Variants in MAML3 observed in about 807,000 individuals in gnomAD.
The protein encoded by MAML3 is mastermind-like protein 3.
A neutral mutation model predicts 101.9 loss-of-function variants in MAML3; 27 were observed. The ratio of observed to expected loss-of-function variants is 0.27; its 90% CI spans 0.20 to 0.37. The LOEUF (loss-of-function observed/expected upper bound fraction) is 0.37. MAML3 is among the 10% of genes least tolerant of loss of function. The pLI is 1.00. For synonymous variants in MAML3, 501 were observed against 555.9 expected (o/e 0.90, Z 1.39); for missense variants, 1,316 against 1,444.9 (o/e 0.91, Z 1.45).
chr4:139,839,103 G>A (rs1302784199), intron 2 of MAML3, among the ~76,000 whole-genome samples: 3 of 152,140 alleles, frequency 2.0e-5, no homozygotes, highest in African/African-American at 7.2e-5. Context: ...TTGCACATCT[G>A]CAAGTCTGAT....
chr4:140,003,524 C>T (rs528382963), intron 1 of MAML3, among the ~76,000 whole-genome samples: 4 of 152,256 alleles, frequency 2.6e-5, no homozygotes, highest in East Asian at 1.9e-4. Flanking sequence ...TATGATTCAA[C>T]TCGAATAGCT....
At chr4:139,905,809 A>G (rs1436829829) in intron 1 of MAML3, among the ~76,000 whole-genome samples, 1 of 152,100 alleles carries the variant, frequency 6.6e-6, no homozygotes. Context: ...CTTCTTATAT[A>G]GATAATAGTC....
chr4:140,115,103 G>A (rs1322285006), intron 1 of MAML3, among the ~76,000 whole-genome samples: 1 of 152,074 alleles, frequency 6.6e-6, no homozygotes, highest in African/African-American at 2.4e-5. Context: ...CCCTAATTAT[G>A]CTGCTGAAGT....
chr4:139,742,231 C>T (rs1267277881), intron 2 of MAML3, among the ~76,000 whole-genome samples: 1 of 151,424 alleles, frequency 6.6e-6, no homozygotes, highest in Non-Finnish European at 1.5e-5. Flanking sequence ...TCACTGCAAC[C>T]TCCGCCTCCC....
chr4:140,097,785 A>C (rs1017530579), intron 1 of MAML3, among the ~76,000 whole-genome samples: 10 of 152,230 alleles, frequency 6.6e-5, no homozygotes, highest in African/African-American at 2.4e-4. Context: ...CTTCGTGGTG[A>C]CAAGAGGGAA....
At position 139,720,266 on chromosome 4, in the gene MAML3, G is replaced by A. The variant is rs1489367986; in HGVS notation, c.2474C>T (p.Thr825Met). 9 of 1,589,308 alleles carry A rather than the reference G, an allele frequency of 5.7e-6. No homozygotes were observed. The highest frequency in any genetic ancestry group is 1.2e-5 in the South Asian group (1 of 86,938). ...TGCGTTCTGTGCCATCAGCCGTGAC[G>A]TTCGCATGCTCTGGAGGGCTGCTTG... ...RSQAALQSMRTSRLMAQNAGM... is the reference protein window; with the variant it reads ...RSQAALQSMRMSRLMAQNAGM... The change falls in exon 5 of 5, where the codon ACG becomes ATG. Residue 825 changes from threonine to methionine, a missense_variant. Transcript: ENST00000509479.
At chr4:139,829,024 C>T (rs12511237) in intron 2 of MAML3, among the ~76,000 whole-genome samples, 5 of 69,134 alleles carry the variant, frequency 7.2e-5, no homozygotes, top group South Asian at 4.8e-4. Context: ...GAAGGAAGGA[C>T]GGACGGACGG....
chr4:139,826,033 G>T (rs543069026), intron 2 of MAML3, among the ~76,000 whole-genome samples: 3 of 152,250 alleles, frequency 2.0e-5, no homozygotes, highest in African/African-American at 7.2e-5. Context: ...CCTGTGGGAG[G>T]AAGGGGGTAT....
rs574022323 is a variant in MAML3, at chr4:139,723,042, C to A, written c.2416+2709G>T. On this transcript the variant is annotated intron_variant, in intron 4 of 4. Transcript: ENST00000509479. ...CAGCCATTTCTTTCTAATTTAGCCC[C>A]AAAGGTGAATTCTCTCTCACCTCCA... is the stretch of plus-strand genomic sequence containing the variant. Among the ~76,000 whole-genome samples the A allele has an allele frequency of 2.0e-5, 3 of 152,338 alleles. No individual in the cohort carries two copies. In the South Asian group the frequency reaches 6.2e-4, roughly 32 times the overall value.
intron 1 of MAML3, among the ~76,000 whole-genome samples, chr4:139,930,787 T>C (rs982115294): frequency 3.9e-5 from 6 of 152,174 alleles, no homozygotes; most frequent in Non-Finnish European, 8.8e-5. Context: ...TGTACTTATT[T>C]ACTAGTTTCA....
intron 2 of MAML3, among the ~76,000 whole-genome samples, chr4:139,851,504 T>A (rs999784903): frequency 2.6e-5 from 4 of 152,266 alleles, no homozygotes; most frequent in Non-Finnish European, 5.9e-5. Context: ...GAATGTAGAA[T>A]GTCTTTGGGT....
Position 139,890,352 on chromosome 4 carries a change from A to C in MAML3, c.1084T>G (p.Ser362Ala), listed in dbSNP as rs1433959270. ...QESASVKSDP[S>A]HSPFAHVSMG... The stretch of plus-strand genomic sequence containing the variant: ...GAGACATGTGCGAAGGGAGAGTGAG[A>C]GGGGTCGCTCTTCACGCTCGCACTC... The change falls in exon 2 of 5, where the codon TCT becomes GCT. Residue 362 changes from serine to alanine, a missense_variant. By Grantham distance (99) the Ser-to-Ala change is moderately conservative. Coordinates refer to ENST00000509479, the MANE Select transcript of MAML3 (RefSeq NM_018717.5). The surrounding 1 kb of genome is among the most constrained non-coding windows in gnomAD (Gnocchi z 4.1). 1 of 1,605,030 alleles carries C rather than the reference A, an allele frequency of 6.2e-7. No individual in the cohort carries two copies. Among genetic ancestry groups the C allele is most frequent in the East Asian group, 2.2e-5 (1 of 44,720 alleles).
At chr4:139,848,887 C>CT (rs920843920) in intron 2 of MAML3, among the ~76,000 whole-genome samples, 13 of 152,122 alleles carry the variant, frequency 8.5e-5, no homozygotes, top group African/African-American at 3.1e-4. Context: ...CAAATGTATT[C>CT]TTTGGCCATG....
rs1180602516 is a variant in MAML3 at position 140,069,631 on chromosome 4, AAG to A, written c.468+83227_468+83228del. Among the ~76,000 whole-genome samples the A allele has an allele frequency of 4.9e-4, 71 of 145,906 alleles. 1 individual carries two copies. The highest frequency in any genetic ancestry group is 3.6e-3 in the Middle Eastern group (1 of 280). ...AGAAGAAGAAGAAAAAGAAAGAAGA[AAG>A]AAGAAGAAGAAGGAGGAGGAGAAGG... On this transcript the variant is annotated intron_variant, in intron 1 of 4. Transcript: ENST00000509479.
chr4:139,735,978 A>G lies in MAML3; in HGVS notation c.2080-5311T>C, dbSNP rs114197551. Among the ~76,000 whole-genome samples, 2,107 of 152,288 alleles carry G rather than the reference A, an allele frequency of 0.014. 36 individuals carry two copies. The highest frequency in any genetic ancestry group is 0.048 in the African/African-American group (1,975 of 41,570). On this transcript the variant is annotated intron_variant, in intron 2 of 4. Coordinates refer to ENST00000509479, the MANE Select transcript of MAML3 (RefSeq NM_018717.5). The surrounding 1 kb of genome is among the most constrained non-coding windows in gnomAD (Gnocchi z 5.8). ...GGGCGCATTTCCCAGGCCCCGCCAC[A>G]TCGTGTGTGTTAGTGGCTGGGAAGG...
chr4:140,008,704 A>G (rs1466431673), intron 1 of MAML3, among the ~76,000 whole-genome samples: 1 of 152,220 alleles, frequency 6.6e-6, no homozygotes, highest in Non-Finnish European at 1.5e-5. Flanking sequence ...ATAAACAAAT[A>G]AAATTTATGA....
chr4:139,937,031 C>T (rs1462638826), intron 1 of MAML3, among the ~76,000 whole-genome samples: 1 of 152,156 alleles, frequency 6.6e-6, no homozygotes, highest in Non-Finnish European at 1.5e-5. Context: ...CAAAATAAGT[C>T]AGAAAACATC....
chr4:139,892,385 G>A (rs969294505), intron 1 of MAML3, among the ~76,000 whole-genome samples: 4 of 151,926 alleles, frequency 2.6e-5, no homozygotes, highest in African/African-American at 7.3e-5. Flanking sequence ...CAAGTCCTAT[G>A]GATTCCACCT....
chr4:139,842,643 A>G (rs1011039983), intron 2 of MAML3, among the ~76,000 whole-genome samples: 138 of 138,428 alleles, frequency 1.0e-3, no homozygotes, highest in Middle Eastern at 0.01. Context: ...TCAGCCTCCC[A>G]AGTAGCTGGG....
Sources: allele counts gnomAD v4.1 joint callset (sites outside exome capture counted in the v4.1 genomes callset), GRCh38; gene constraint gnomAD v4.1.1; non-coding constraint Gnocchi (gnomAD v3.1); transcripts MANE v1.5; gene names NCBI Gene and HGNC (gene_info 2026-07-23, HGNC 2026-07-21).